SORBS2: variants seen among roughly 807,000 people sequenced by gnomAD.
SORBS2 encodes the protein sorbin and SH3 domain containing 2, also known as sorbin and SH3 domain-containing protein 2.
In SORBS2, 46 loss-of-function variants were observed where a neutral mutation model predicts 97.7. That is an observed-to-expected ratio of 0.47 (90% confidence interval 0.37 to 0.60). The LOEUF is 0.60. SORBS2 is among the 20% of genes least tolerant of loss of function. The probability of loss-of-function intolerance (pLI) is 0.00; values close to 1 mark genes in which losing one functional copy is unlikely to be tolerated. For missense variants in SORBS2, 1,316 were observed against 1,282.3 expected (o/e 1.03, Z -0.40); for synonymous variants, 476 against 473.4 (o/e 1.01, Z -0.07).
chr4:185,590,170 T>G (rs1031170034), intron 13 of SORBS2, among the ~76,000 whole-genome samples: 1 of 152,124 alleles, frequency 6.6e-6, no homozygotes. Flanking sequence ...ATAAAATAAG[T>G]GATATTTGTA....
At chr4:185,698,390 G>A (rs770239269) in intron 2 of SORBS2, among the ~76,000 whole-genome samples, 114 of 152,236 alleles carry the variant, frequency 7.5e-4, no homozygotes, top group Non-Finnish European at 1.3e-3. Flanking sequence ...GCAGGAGAAT[G>A]GCTTGAAGCT....
Position 185,623,734 on chromosome 4 carries a change from G to A in SORBS2, c.1395C>T (p.Ser465=), listed in dbSNP as rs149670172. The A allele has an allele frequency of 4.6e-5, 74 of 1,614,038 alleles. No homozygotes were observed. In the African/African-American group the frequency reaches 7.7e-4, roughly 17 times the overall value. ...CTCGCCGGCCCCGAGCGGGGGGGCC[G>A]CTTTGATTTTCTTCCTCCAGCAAAT... The change falls in exon 7 of 15, where the codon AGC becomes AGT. Residue 465 remains serine (S), a synonymous_variant. Transcript: ENST00000418609. The surrounding 1 kb of genome is among the most constrained non-coding windows in gnomAD (Gnocchi z 6.4).
intron 4 of SORBS2, chr4:185,676,890 T>A: frequency 1.1e-6 from 1 of 871,184 alleles, no homozygotes; most frequent in South Asian, 1.9e-5. Flanking sequence ...CCCTTCCTGC[T>A]TGGAAACTAA....
At chr4:185,819,594 A>G (rs919075359) in intron 1 of SORBS2, among the ~76,000 whole-genome samples, 1 of 152,236 alleles carries the variant, frequency 6.6e-6, no homozygotes, top group Non-Finnish European at 1.5e-5. Flanking sequence ...TGCCTCTGCC[A>G]GCTCATGTCA....
chr4:185,857,788 C>T (rs1251833316), intron 1 of SORBS2, among the ~76,000 whole-genome samples: 2 of 152,146 alleles, frequency 1.3e-5, no homozygotes, highest in Non-Finnish European at 2.9e-5. Flanking sequence ...CCTGCAGTGC[C>T]CTCAGGCCTA....
At chr4:185,811,456 T>A (rs2099184477) in intron 1 of SORBS2, among the ~76,000 whole-genome samples, 1 of 152,196 alleles carries the variant, frequency 6.6e-6, no homozygotes, top group Non-Finnish European at 1.5e-5. Context: ...TCATGTTTTT[T>A]ATCTTCCAAT....
chr4:185,808,450 T>C (rs2153664680), intron 1 of SORBS2, among the ~76,000 whole-genome samples: 1 of 152,290 alleles, frequency 6.6e-6, no homozygotes, highest in Non-Finnish European at 1.5e-5. Context: ...TTTTTGATTG[T>C]GGCAGTTTTT....
At chr4:185,819,899 C>T (rs2099195652) in intron 1 of SORBS2, among the ~76,000 whole-genome samples, 1 of 152,220 alleles carries the variant, frequency 6.6e-6, no homozygotes, top group African/African-American at 2.4e-5. Context: ...TTCAAATATT[C>T]TGCAATTTGT....
chr4:185,681,816 T>A (rs1428618188), intron 2 of SORBS2, among the ~76,000 whole-genome samples: 3 of 152,172 alleles, frequency 2.0e-5, no homozygotes, highest in Non-Finnish European at 4.4e-5. Context: ...CTGTTATCAT[T>A]CTAACATGAC....
In SORBS2 at chr4:185,600,851, CATG is replaced by C. The variant is rs144130479; in HGVS notation, c.2797-6919_2797-6917del. Among the ~76,000 whole-genome samples the C allele has an allele frequency of 4.1e-3, 617 of 151,750 alleles. 2 individuals carry two copies. Among genetic ancestry groups the C allele is most frequent in the African/African-American group, 0.014 (586 of 41,424 alleles). On this transcript the variant is annotated intron_variant, in intron 12 of 14. Transcript: ENST00000418609. ...AAAATAAGGCCTTTTTGGGGGGAAA[CATG>C]GTGAAATTTGATGAACTACTGAAGT... is the stretch of plus-strand genomic sequence containing the variant.
chr4:185,802,947 C>A (rs2099137437), intron 1 of SORBS2, among the ~76,000 whole-genome samples: 1 of 152,190 alleles, frequency 6.6e-6, no homozygotes, highest in African/African-American at 2.4e-5. Context: ...AGAGTGCATG[C>A]AGATTTCTCC....
At chr4:185,931,752 G>C (rs2099266529) in intron 1 of SORBS2, among the ~76,000 whole-genome samples, 1 of 151,766 alleles carries the variant, frequency 6.6e-6, no homozygotes, top group Non-Finnish European at 1.5e-5. Context: ...GAGAGTCACT[G>C]TCAATACAAA....
chr4:185,907,225 G>A (rs1947455), intron 1 of SORBS2, among the ~76,000 whole-genome samples: 34,108 of 151,822 alleles, frequency 0.22, 4,415 homozygotes, highest in East Asian at 0.55. Flanking sequence ...GGTTGAAGTC[G>A]AACCATGGAA....
intron 2 of SORBS2, among the ~76,000 whole-genome samples, chr4:185,686,534 C>T (rs907615046): frequency 6.6e-6 from 1 of 152,126 alleles, no homozygotes; most frequent in African/African-American, 2.4e-5. Context: ...GGAAAGGCTC[C>T]AAAAGGATTT....
chr4:185,704,940 T>A (rs950572773), intron 2 of SORBS2, among the ~76,000 whole-genome samples: 4 of 152,228 alleles, frequency 2.6e-5, no homozygotes, highest in Non-Finnish European at 4.4e-5. Context: ...GTTGCTTCAC[T>A]TTCCCATAAC....
rs1011524823 is a variant in SORBS2 at position 185,722,221 on chromosome 4, T to A, written c.-197-43399A>T. ...CTTTATCTATCTTTCCAGAGAACAG[T>A]GTCAGGGACATATGGGTTACTTTCC... On this transcript the variant is annotated intron_variant, in intron 2 of 20. Transcript: ENST00000284776. Among the ~76,000 whole-genome samples, 4 of 152,218 alleles carry A rather than the reference T, an allele frequency of 2.6e-5. No homozygotes were observed. The South Asian group carries it at 8.3e-4, about 31-fold the overall frequency.
chr4:185,692,536 T>C lies in SORBS2; in HGVS notation c.-197-13714A>G, dbSNP rs150902369. 1.1e-3 allele frequency among the ~76,000 whole-genome samples: 169 copies of C among 152,314 alleles called. 4 individuals are homozygous for C. The highest frequency in any genetic ancestry group is 0.01 in the Admixed American group (154 of 15,302). ...TCCTCTGCTCAACTCACAACTATTA[T>C]TTTCTTTCAATGTGGCTATTGGAGT... On this transcript the variant is annotated intron_variant, in intron 2 of 20. Coordinates refer to the SORBS2 transcript ENST00000284776.
At chr4:185,740,883 G>A (rs1485845646) in intron 2 of SORBS2, among the ~76,000 whole-genome samples, 3 of 136,764 alleles carry the variant, frequency 2.2e-5, no homozygotes, top group Non-Finnish European at 3.1e-5. Flanking sequence ...GCACTAACTC[G>A]GACCAGCACT....
chr4:185,642,716 T>A (rs548771240), intron 4 of SORBS2, among the ~76,000 whole-genome samples: 12 of 152,336 alleles, frequency 7.9e-5, no homozygotes, highest in African/African-American at 2.6e-4. Context: ...TAAACGCATA[T>A]GCCACTGATT....
Sources: gnomAD v4.1 joint callset for allele counts (sites outside exome capture counted in the v4.1 genomes callset) on GRCh38, gnomAD v4.1.1 for gene constraint, Gnocchi (gnomAD v3.1) non-coding constraint, MANE v1.5 for transcripts, NCBI Gene and HGNC (gene_info 2026-07-23, HGNC 2026-07-21) for gene names.